Variants in MYT1L observed in about 807,000 individuals in gnomAD.
MYT1L encodes myelin transcription factor 1 like.
In MYT1L, 12 loss-of-function variants were observed where a neutral mutation model predicts 126.7. The ratio of observed to expected loss-of-function variants is 0.09; its 90% CI spans 0.06 to 0.15. The LOEUF is 0.15. Among genes scored for constraint, MYT1L ranks in the 10% least tolerant of loss-of-function variants. MYT1L has a pLI of 1.00. For missense variants in MYT1L, 979 were observed against 1,585.2 expected (o/e 0.62, Z 6.49); for synonymous variants, 541 against 604.2 (o/e 0.90, Z 1.53).
chr2:2,148,941 C>T (rs918572955), intron 3 of MYT1L, among the ~76,000 whole-genome samples: 6 of 152,092 alleles, frequency 3.9e-5, no homozygotes, highest in African/African-American at 1.2e-4. Context: ...GGAGCCCTGC[C>T]TCCCCCTGCT....
At chr2:2,150,573 T>G (rs1305430391) in intron 3 of MYT1L, among the ~76,000 whole-genome samples, 2 of 152,196 alleles carry the variant, frequency 1.3e-5, no homozygotes, top group Admixed American at 1.3e-4. Flanking sequence ...CAGTTTTGAC[T>G]AAATTACAAT....
chr2:1,859,811 G>A (rs1287544703), intron 18 of MYT1L, among the ~76,000 whole-genome samples: 3 of 152,232 alleles, frequency 2.0e-5, no homozygotes, highest in Non-Finnish European at 4.4e-5. Context: ...CCTGGAGGAC[G>A]CACGCATGCT....
At chr2:1,812,760 C>T (rs992324689) in intron 21 of MYT1L, among the ~76,000 whole-genome samples, 4 of 151,434 alleles carry the variant, frequency 2.6e-5, no homozygotes, top group Admixed American at 2.0e-4. Flanking sequence ...CCTATAATCC[C>T]AGCTACTTGG....
At chr2:2,092,676 C>T (rs2077019941) in intron 3 of MYT1L, among the ~76,000 whole-genome samples, 1 of 152,208 alleles carries the variant, frequency 6.6e-6, no homozygotes. Flanking sequence ...CCACTGAACT[C>T]ATGGCCATGG....
chr2:2,247,818 T>C (rs1031160213), intron 2 of MYT1L, among the ~76,000 whole-genome samples: 51 of 152,052 alleles, frequency 3.4e-4, no homozygotes, highest in African/African-American at 9.6e-4. Context: ...CAGAAGAAAA[T>C]TGGAAACTTT....
chr2:1,890,059 T>C (rs2048655957), intron 15 of MYT1L, among the ~76,000 whole-genome samples: 1 of 139,728 alleles, frequency 7.2e-6, no homozygotes, highest in Admixed American at 7.1e-5. Flanking sequence ...AAAATTTACC[T>C]TGTAATACAA....
chr2:2,246,597 G>A (rs11677123), intron 2 of MYT1L, among the ~76,000 whole-genome samples: 24,314 of 152,104 alleles, frequency 0.16, 2,076 homozygotes, highest in African/African-American at 0.21. Flanking sequence ...AGCAACAGAG[G>A]CTTATTGAGT....
At chr2:1,828,295 A>G (rs1182789887) in intron 21 of MYT1L, 1 of 152,038 alleles carries the variant, frequency 6.6e-6, no homozygotes. Flanking sequence ...TGGAATTCCC[A>G]GCTTCCCTAA....
intron 3 of MYT1L, among the ~76,000 whole-genome samples, chr2:2,146,295 T>C (rs2148241799): frequency 6.6e-6 from 1 of 152,362 alleles, no homozygotes; most frequent in East Asian, 1.9e-4. Flanking sequence ...TGTTCTGTCA[T>C]GGAGACCACA....
intron 8 of MYT1L, among the ~76,000 whole-genome samples, chr2:1,976,231 C>T (rs1220642383): frequency 6.6e-6 from 1 of 151,884 alleles, no homozygotes; most frequent in South Asian, 2.1e-4. Flanking sequence ...AGGAACCTGA[C>T]AGCAAATGCC....
At chr2:2,236,262 C>G in intron 2 of MYT1L, among the ~76,000 whole-genome samples, 2 of 139,246 alleles carry the variant, frequency 1.4e-5, no homozygotes, top group South Asian at 4.7e-4. Context: ...CCCAACCCAA[C>G]CCAGTACATC....
intron 4 of MYT1L, among the ~76,000 whole-genome samples, chr2:2,011,603 A>AG (rs2063835033): frequency 6.6e-6 from 1 of 152,100 alleles, no homozygotes; most frequent in East Asian, 1.9e-4. Flanking sequence ...AATCTACAGA[A>AG]GGGGAGAAGG....
intron 3 of MYT1L, among the ~76,000 whole-genome samples, chr2:2,065,131 G>A (rs1009645802): frequency 1.3e-5 from 2 of 152,240 alleles, no homozygotes; most frequent in South Asian, 2.1e-4. Flanking sequence ...CCGGAAGATT[G>A]AGGCTGCCGT....
At chr2:2,312,133 G>T (rs555402520) in intron 1 of MYT1L, among the ~76,000 whole-genome samples, 4 of 152,124 alleles carry the variant, frequency 2.6e-5, no homozygotes, top group African/African-American at 7.2e-5. Flanking sequence ...GAACAAAGTC[G>T]CCTGTGTGAT....
chr2:2,125,307 C>T (rs1019661262), intron 3 of MYT1L, among the ~76,000 whole-genome samples: 2 of 152,144 alleles, frequency 1.3e-5, no homozygotes, highest in Non-Finnish European at 2.9e-5. Flanking sequence ...TTTATTATGC[C>T]ACAAAGATGA....
At position 1,791,624 on chromosome 2, in the gene MYT1L, A is replaced by T; in HGVS notation, c.*243T>A. 1 of 484,642 alleles carries T rather than the reference A, an allele frequency of 2.1e-6. No individual in the cohort carries two copies. The highest frequency in any genetic ancestry group is 3.6e-6 in the Non-Finnish European group (1 of 276,006). 30.0% of individuals were successfully genotyped at this position (484,642 alleles called of 1,614,324 possible). A position where few individuals can be genotyped will look rare whatever the true frequency, so the allele number is the denominator to read the frequency against. ...CAAATGTGCATACATCAGCAGCTAT[A>T]AACATTACATGGCAGAACACTATGT... On this transcript the variant is annotated 3_prime_UTR_variant, in exon 25 of 25. Coordinates refer to ENST00000647738, the MANE Select transcript of MYT1L (RefSeq NM_001303052.2). The surrounding 1 kb of genome is among the most constrained non-coding windows in gnomAD (Gnocchi z 6.0).
chr2:1,854,252 AG>A (rs2043633742), intron 18 of MYT1L, among the ~76,000 whole-genome samples: 1 of 152,114 alleles, frequency 6.6e-6, no homozygotes. Context: ...GCTAACTTGG[AG>A]GGTGGCGGGG....
At chr2:2,236,477 C>T (rs2094309456) in intron 2 of MYT1L, among the ~76,000 whole-genome samples, 2 of 146,364 alleles carry the variant, frequency 1.4e-5, no homozygotes, top group African/African-American at 5.1e-5. Context: ...TACATCCCAA[C>T]CCAACCCAGC....
intron 18 of MYT1L, among the ~76,000 whole-genome samples, chr2:1,866,860 C>T (rs2045630956): frequency 1.2e-5 from 1 of 81,384 alleles, no homozygotes; most frequent in African/African-American, 5.0e-5. Flanking sequence ...AGAGGGAGGG[C>T]AGAGAGAGAT....
Sources: allele counts gnomAD v4.1 joint callset (sites outside exome capture counted in the v4.1 genomes callset), GRCh38; gene constraint gnomAD v4.1.1; non-coding constraint Gnocchi (gnomAD v3.1); transcripts MANE v1.5; gene names NCBI Gene and HGNC (gene_info 2026-07-23, HGNC 2026-07-21).